Variants in KAT6A observed in about 807,000 individuals in gnomAD.
The protein encoded by KAT6A is lysine acetyltransferase 6A.
KAT6A carries 9 observed loss-of-function variants against 198.4 expected under a neutral mutation model. The ratio of observed to expected loss-of-function variants is 0.05; its 90% CI spans 0.03 to 0.08. The LOEUF is 0.08. Among genes scored for constraint, KAT6A ranks in the 10% least tolerant of loss-of-function variants. The pLI is 1.00. For missense variants in KAT6A, 2,077 were observed against 2,509.9 expected (o/e 0.83, Z 3.69); for synonymous variants, 890 against 883.0 (o/e 1.01, Z -0.14).
chr8:42,022,668 A>G (rs1826607276), intron 2 of KAT6A, among the ~76,000 whole-genome samples: 1 of 152,174 alleles, frequency 6.6e-6, no homozygotes. Flanking sequence ...GGAATATCAA[A>G]ATTATAACGC....
chr8:42,021,299 A>AAATTTC (rs1341955308), intron 2 of KAT6A, among the ~76,000 whole-genome samples: 8 of 152,306 alleles, frequency 5.3e-5, no homozygotes, highest in Admixed American at 5.2e-4. Flanking sequence ...GTGAGTTAAC[A>AAATTTC]AACTGATACT....
At chr8:41,978,805 A>G (rs1248095209) in intron 5 of KAT6A, 28 bp from the exon 6 acceptor site, 2 of 1,604,358 alleles carry the variant, frequency 1.2e-6, no homozygotes, top group East Asian at 4.5e-5. Flanking sequence ...TCCACATAGA[A>G]GTGTGACAGA....
At position 42,013,206 on chromosome 8, in the gene KAT6A, GATAA is replaced by G. The variant is rs948555292; in HGVS notation, c.601-25647_601-25644del. On this transcript the variant is annotated intron_variant, in intron 2 of 16. Coordinates refer to ENST00000265713, the MANE Select transcript of KAT6A (RefSeq NM_006766.5). Reference sequence around the variant, plus strand: ...ATGCATTATTGCATGTAAATTTATAGATAAATAAATATAGCAATACAGAGGGAGG... The same window carrying G: ...ATGCATTATTGCATGTAAATTTATAGATAAATATAGCAATACAGAGGGAGG... 1.1e-4 allele frequency among the ~76,000 whole-genome samples: 16 copies of G among 150,494 alleles called. No individual in the cohort carries two copies. In the South Asian group the frequency reaches 1.9e-3, roughly 18 times the overall value.
chr8:41,932,904 G>A lies in KAT6A; in HGVS notation c.5316C>T (p.Ser1772=). Reference sequence around the variant, plus strand: ...CATAGGAAGTCACAGCAGGAGAATGGCTATAAGGCATGGCATGAGGGTCCA... The same window carrying A: ...CATAGGAAGTCACAGCAGGAGAATGACTATAAGGCATGGCATGAGGGTCCA... ...TIMDPHAMPY[S]HSPAVTSYAT... The change falls in exon 17 of 17, where the codon AGC becomes AGT. Residue 1772 remains serine, a synonymous_variant. Transcript: ENST00000265713. 1 of 1,614,172 alleles carries A rather than the reference G, an allele frequency of 6.2e-7. No individual in the cohort carries two copies. Among genetic ancestry groups the A allele is most frequent in the Non-Finnish European group, 8.5e-7 (1 of 1,180,030 alleles).
intron 2 of KAT6A, among the ~76,000 whole-genome samples, chr8:42,015,909 T>C (rs1049115258): frequency 6.6e-6 from 1 of 152,208 alleles, no homozygotes; most frequent in Admixed American, 6.5e-5. Flanking sequence ...CATAGACTTT[T>C]CCAATTGAAA....
chr8:41,962,214 CAAA>C (rs913505073), intron 8 of KAT6A, among the ~76,000 whole-genome samples: 2 of 151,778 alleles, frequency 1.3e-5, no homozygotes, highest in African/African-American at 2.4e-5. Flanking sequence ...TCTCATTTTT[CAAA>C]AAAACAACCT....
In KAT6A at chr8:41,930,232, A is replaced by AAAAAAACAACC; in HGVS notation, c.*1972_*1973insGGTTGTTTTTT. Reference sequence around the variant, plus strand: ...TTCTGCCTTGACCCACCCTCCTCCCAATATACCTCCCTCCCGACCCACCCC... The same window carrying AAAAAAACAACC: ...TTCTGCCTTGACCCACCCTCCTCCCAAAAAAACAACCATATACCTCCCTCCCGACCCACCCC... On this transcript the variant is annotated 3_prime_UTR_variant, in exon 17 of 17. Transcript: ENST00000265713. 1 of 190,822 alleles carries AAAAAAACAACC rather than the reference A, an allele frequency of 5.2e-6. No individual in the cohort carries two copies. Among genetic ancestry groups the AAAAAAACAACC allele is most frequent in the East Asian group, 7.4e-5 (1 of 13,546 alleles). The allele number at this position is 190,822 out of a possible 1,614,324, so 11.8% of individuals were successfully genotyped here. A position where few individuals can be genotyped will look rare whatever the true frequency, so the allele number is the denominator to read the frequency against.
chr8:42,022,276 A>C (rs1425677597), intron 2 of KAT6A, among the ~76,000 whole-genome samples: 1 of 152,162 alleles, frequency 6.6e-6, no homozygotes, highest in East Asian at 1.9e-4. Flanking sequence ...CTGTACGTAA[A>C]AAGTTACACT....
chr8:41,938,671 G>A (rs1821961074), intron 15 of KAT6A, among the ~76,000 whole-genome samples: 1 of 152,080 alleles, frequency 6.6e-6, no homozygotes, highest in Non-Finnish European at 1.5e-5. Flanking sequence ...AGGAGGCCAG[G>A]CGCGGTGGCT....
chr8:42,016,315 T>C (rs1257789796), intron 2 of KAT6A, among the ~76,000 whole-genome samples: 1 of 152,234 alleles, frequency 6.6e-6, no homozygotes, highest in East Asian at 1.9e-4. Context: ...ACAACTCTCT[T>C]CTTACTGTTT....
chr8:41,985,964 C>CA (rs970034985), intron 3 of KAT6A, among the ~76,000 whole-genome samples: 1 of 151,836 alleles, frequency 6.6e-6, no homozygotes, highest in African/African-American at 2.4e-5. Context: ...TAATTTAAGA[C>CA]AGAGTCTCGC....
intron 7 of KAT6A, among the ~76,000 whole-genome samples, chr8:41,976,621 C>G (rs1003081694): frequency 6.6e-6 from 1 of 151,994 alleles, no homozygotes; most frequent in African/African-American, 2.4e-5. Flanking sequence ...AGCATTTCAC[C>G]CAGTTCTATT....
At chr8:41,953,875 C>T (rs1822790345) in intron 9 of KAT6A, among the ~76,000 whole-genome samples, 1 of 152,152 alleles carries the variant, frequency 6.6e-6, no homozygotes, top group African/African-American at 2.4e-5. Context: ...CTTCCTTTAA[C>T]ATATATACAT....
chr8:41,946,882 T>A (rs1467714506), intron 11 of KAT6A, among the ~76,000 whole-genome samples, 198 bp from the exon 12 acceptor site: 2 of 151,992 alleles, frequency 1.3e-5, no homozygotes, highest in African/African-American at 4.8e-5. Context: ...AAAGCAACCA[T>A]CCCAGGAGAG....
chr8:41,970,766 T>C (rs565827199), intron 8 of KAT6A, among the ~76,000 whole-genome samples: 1 of 152,336 alleles, frequency 6.6e-6, no homozygotes, highest in South Asian at 2.1e-4. Flanking sequence ...TAAAGACACA[T>C]GCACATGTAT....
intron 8 of KAT6A, among the ~76,000 whole-genome samples, chr8:41,972,904 C>G (rs868380062): frequency 3.3e-5 from 5 of 152,296 alleles, no homozygotes; most frequent in Middle Eastern, 3.4e-3. Context: ...TTTCAGTTCC[C>G]ACTGAAGTCC....
rs745672982 is a variant in KAT6A, at chr8:41,937,307, T to C, written c.3301A>G (p.Lys1101Glu). 6.2e-7 allele frequency: 1 copy of C among 1,614,134 alleles called. No homozygotes were observed. Among genetic ancestry groups the C allele is most frequent in the Admixed American group, 1.7e-5 (1 of 60,028 alleles). ...QDVLRCQSSS[K>E]RKSKDEEEDE... The stretch of plus-strand genomic sequence containing the variant: ...TCTTCTTCATCTTTAGACTTCCTCT[T>C]AGAAGAGGACTGACACCTGAGTACA... Residue 1101 changes from lysine (K) to glutamate (E), a missense_variant, in exon 16 of 17, where the codon AAG becomes GAG. Physicochemically the swap from Lys to Glu is moderately conservative, Grantham distance 56. Transcript: ENST00000265713.
At chr8:41,967,331 A>T (rs1823559180) in intron 8 of KAT6A, among the ~76,000 whole-genome samples, 1 of 143,084 alleles carries the variant, frequency 7.0e-6, no homozygotes, top group African/African-American at 2.6e-5. Context: ...GTTTTAGGGT[A>T]CATGTGCACA....
In KAT6A at chr8:41,932,894, CAGG is replaced by C. The variant is rs1227563870; in HGVS notation, c.5323_5325del (p.Pro1775del). On this transcript the variant is annotated inframe_deletion, in exon 17 of 17. Transcript: ENST00000265713. ...ACACTGGTTGCATAGGAAGTCACAG[CAGG>C]AGAATGGCTATAAGGCATGGCATGA... 5 of 1,613,972 alleles carry C rather than the reference CAGG, an allele frequency of 3.1e-6. No individual in the cohort carries two copies. Among genetic ancestry groups the C allele is most frequent in the African/African-American group, 1.3e-5 (1 of 74,878 alleles).
Sources: gnomAD v4.1 joint callset for allele counts (sites outside exome capture counted in the v4.1 genomes callset) on GRCh38, gnomAD v4.1.1 for gene constraint, MANE v1.5 for transcripts, NCBI Gene and HGNC (gene_info 2026-07-23, HGNC 2026-07-21) for gene names.